Variants in TAOK3 observed in about 807,000 individuals in gnomAD.
The protein encoded by TAOK3 is serine/threonine-protein kinase TAO3.
Under a neutral mutation model 120.4 loss-of-function variants are expected in TAOK3, and 40 were observed. The observed-to-expected ratio is 0.33, with a 90% CI of 0.26 to 0.43. TAOK3 has a LOEUF of 0.43. TAOK3 is among the 20% of genes least tolerant of loss of function. The pLI is 1.00. For synonymous variants in TAOK3, 355 were observed against 387.5 expected, an observed-to-expected ratio of 0.92 and a Z score of 0.99; for missense variants, 821 against 1,112.1, an observed-to-expected ratio of 0.74 and a Z score of 3.72.
At chr12:118,246,729 A>G (rs1045802578) in intron 3 of TAOK3, 23 of 1,587,588 alleles carry the variant, frequency 1.4e-5, no homozygotes, top group Non-Finnish European at 2.0e-5. Context: ...GCTGCTCATG[A>G]TGGCTGGTAT....
intron 1 of TAOK3, among the ~76,000 whole-genome samples, chr12:118,356,629 A>G (rs541446414): frequency 5.3e-5 from 8 of 152,062 alleles, no homozygotes; most frequent in Admixed American, 5.2e-4. Context: ...AAAAAATGAT[A>G]TGGCCACGTG....
intron 5 of TAOK3, among the ~76,000 whole-genome samples, chr12:118,240,591 A>G (rs1195216793): frequency 6.6e-6 from 1 of 151,744 alleles, no homozygotes; most frequent in East Asian, 1.9e-4. Context: ...TGATCCACCC[A>G]CCTAGGCCTC....
chr12:118,247,754 A>C (rs1207333184), intron 3 of TAOK3, among the ~76,000 whole-genome samples: 1 of 152,158 alleles, frequency 6.6e-6, no homozygotes, highest in Admixed American at 6.5e-5. Context: ...GCCTCAAGTA[A>C]TCCGCCCGCA....
At chr12:118,342,844 G>C (rs2044672947) in intron 1 of TAOK3, among the ~76,000 whole-genome samples, 1 of 150,988 alleles carries the variant, frequency 6.6e-6, no homozygotes, top group Non-Finnish European at 1.5e-5. Context: ...TGAGGCAGGA[G>C]GATCACTTGC....
chr12:118,162,079 G>T, intron 17 of TAOK3, 52 bp from the exon 18 acceptor site: 1 of 1,596,622 alleles, frequency 6.3e-7, no homozygotes, highest in Non-Finnish European at 8.6e-7. Flanking sequence ...AGATGAACTG[G>T]AAGGAATGCA....
chr12:118,268,485 G>A (rs371323947), intron 1 of TAOK3, among the ~76,000 whole-genome samples: 1 of 152,044 alleles, frequency 6.6e-6, no homozygotes, highest in Non-Finnish European at 1.5e-5. Context: ...TAAACTGAAC[G>A]TTTTCATTAT....
rs2037140994 is a variant in TAOK3, at chr12:118,187,409, TTTA to T, written c.1329+2395_1329+2397del. On this transcript the variant is annotated intron_variant, in intron 14 of 20. Transcript: ENST00000392533. ...AACACAACAGAATTCATAATATATTTTTAAAAATTAAATATTTTATGATATTCC... is the reference window on the plus strand; with the variant it reads ...AACACAACAGAATTCATAATATATTTAAAATTAAATATTTTATGATATTCC... Among the ~76,000 whole-genome samples, 4 of 152,244 alleles carry T rather than the reference TTTA, an allele frequency of 2.6e-5. No individual in the cohort carries two copies. The South Asian group carries it at 8.3e-4, about 32-fold the overall frequency.
intron 2 of TAOK3, 198 bp from the exon 3 acceptor site, chr12:118,255,853 C>T (rs1325420999): frequency 8.1e-5 from 18 of 221,778 alleles, no homozygotes; most frequent in South Asian, 5.2e-4. Flanking sequence ...GAGGCTGAGG[C>T]GGGCGGATCA....
Position 118,235,550 on chromosome 12 carries a change from C to T in TAOK3, c.551+8G>A. On this transcript the variant is annotated splice_region_variant and intron_variant, in intron 8 of 20. Coordinates refer to ENST00000392533, the MANE Select transcript of TAOK3 (RefSeq NM_016281.4). ...TAAAACTATGTCATATAGCCTAATT[C>T]TACATACCAGTAAGGTGTGCCCACG... 6.2e-7 allele frequency: 1 copy of T among 1,606,172 alleles called. No homozygotes were observed. The highest frequency in any genetic ancestry group is 8.5e-7 in the Non-Finnish European group (1 of 1,173,422).
chr12:118,291,602 T>C (rs1483647173), intron 1 of TAOK3, among the ~76,000 whole-genome samples: 2 of 152,188 alleles, frequency 1.3e-5, no homozygotes, highest in African/African-American at 2.4e-5. Context: ...CGGAAGTTCA[T>C]TACTTTATTA....
chr12:118,202,773 CTTTTTTTTTTTTTT>C (rs58282262), intron 11 of TAOK3, among the ~76,000 whole-genome samples: 6 of 100,640 alleles, frequency 6.0e-5, no homozygotes, highest in African/African-American at 1.2e-4. Flanking sequence ...ATAGTCTATT[CTTTTTTTTTTTTTT>C]TTTTTTTTTT....
intron 1 of TAOK3, among the ~76,000 whole-genome samples, chr12:118,346,321 A>G (rs975966269): frequency 7.2e-5 from 11 of 152,208 alleles, no homozygotes. Context: ...ATCAGGACTG[A>G]TAAAGAACTG....
intron 19 of TAOK3, among the ~76,000 whole-genome samples, chr12:118,159,600 C>T (rs2035085204): frequency 6.6e-6 from 1 of 152,160 alleles, no homozygotes; most frequent in South Asian, 2.1e-4. Flanking sequence ...CGCGCCCGGC[C>T]CCACTTACCA....
At position 118,152,115 on chromosome 12, in the gene TAOK3, G is replaced by C. The variant is rs1004609608; in HGVS notation, c.2535+112C>G. The C allele has an allele frequency of 2.9e-6, 3 of 1,039,978 alleles. No homozygotes were observed. In the African/African-American group the frequency reaches 4.8e-5, roughly 17 times the overall value. The allele number at this position is 1,039,978 out of a possible 1,614,324, so 64.4% of individuals were successfully genotyped here. A position where few individuals can be genotyped will look rare whatever the true frequency, so the allele number is the denominator to read the frequency against. ...GGTACCAGTAGCATAAAGCAGATAA[G>C]TGAAAAGTGCCCAGTTTAATCTCTA... On this transcript the variant is annotated intron_variant, in intron 20 of 20. Transcript: ENST00000392533.
At chr12:118,296,339 A>G (rs138899947) in intron 1 of TAOK3, among the ~76,000 whole-genome samples, 3,095 of 152,196 alleles carry the variant, frequency 0.02, 110 homozygotes, top group African/African-American at 0.071. Flanking sequence ...TCACCATATT[A>G]GGCAGGCTGG....
At chr12:118,348,754 C>T (rs1286961438) in intron 1 of TAOK3, among the ~76,000 whole-genome samples, 2 of 151,002 alleles carry the variant, frequency 1.3e-5, no homozygotes, top group African/African-American at 4.9e-5. Context: ...CCAGCCTCTG[C>T]CTTATTTCTG....
chr12:118,315,467 G>A (rs17512525), intron 1 of TAOK3, among the ~76,000 whole-genome samples: 15,561 of 152,144 alleles, frequency 0.1, 998 homozygotes, highest in Middle Eastern at 0.15. Flanking sequence ...TGTATTGTTT[G>A]TAGCACACAT....
At chr12:118,346,569 T>C (rs1048508490) in intron 1 of TAOK3, among the ~76,000 whole-genome samples, 2 of 152,226 alleles carry the variant, frequency 1.3e-5, no homozygotes, top group African/African-American at 4.8e-5. Context: ...AACAAAATAC[T>C]GTACTTGAGT....
chr12:118,372,186 C>T lies in TAOK3; in HGVS notation c.-194+462G>A, dbSNP rs1035540169. Among the ~76,000 whole-genome samples, 2 of 151,350 alleles carry T rather than the reference C, an allele frequency of 1.3e-5. No individual in the cohort carries two copies. Among genetic ancestry groups the T allele is most frequent in the Non-Finnish European group, 1.5e-5 (1 of 67,808 alleles). ...GGGGTCTCCTCTCCCCGGGTGCTGT[C>T]CCAGCCCCTCTCGGGGTCCCCATCT... On this transcript the variant is annotated intron_variant, in intron 1 of 20. Transcript: ENST00000392533. This position sits in a 1 kb window ranked among gnomAD's most constrained non-coding sequence, Gnocchi z 4.6.
Sources: allele counts gnomAD v4.1 joint callset (sites outside exome capture counted in the v4.1 genomes callset), GRCh38; gene constraint gnomAD v4.1.1; non-coding constraint Gnocchi (gnomAD v3.1); transcripts MANE v1.5; gene names NCBI Gene and HGNC (gene_info 2026-07-23, HGNC 2026-07-21).